CARD10: variants seen among roughly 807,000 people sequenced by gnomAD.
CARD10 encodes the protein caspase recruitment domain-containing protein 10.
A neutral mutation model predicts 114.6 loss-of-function variants in CARD10; 49 were observed. The ratio of observed to expected loss-of-function variants is 0.43; its 90% CI spans 0.34 to 0.54. The LOEUF (loss-of-function observed/expected upper bound fraction) is 0.54, where lower values mean the gene tolerates loss of function less well. Among genes scored for constraint, CARD10 ranks in the 20% least tolerant of loss-of-function variants. The probability of loss-of-function intolerance (pLI) is 0.03; values close to 1 mark genes in which losing one functional copy is unlikely to be tolerated. For missense variants in CARD10, 1,206 were observed against 1,397.2 expected, an observed-to-expected ratio of 0.86 and a Z score of 2.18; for synonymous variants, 602 against 593.2, an observed-to-expected ratio of 1.01 and a Z score of -0.21.
At chr22:37,499,878 T>C (rs902556619) in intron 11 of CARD10, among the ~76,000 whole-genome samples, 3 of 151,992 alleles carry the variant, frequency 2.0e-5, no homozygotes, top group Non-Finnish European at 4.4e-5. Context: ...TCCCCGCTCC[T>C]GGGACTGGCT....
intron 3 of CARD10, among the ~76,000 whole-genome samples, chr22:37,512,816 T>C (rs1923707792): frequency 6.6e-6 from 1 of 152,210 alleles, no homozygotes; most frequent in Non-Finnish European, 1.5e-5. Context: ...TACGGATGCA[T>C]TTAATCCCGG....
chr22:37,509,967 C>A (rs1923571565), intron 4 of CARD10, among the ~76,000 whole-genome samples: 1 of 29,640 alleles, frequency 3.4e-5, no homozygotes, highest in African/African-American at 2.6e-4. Context: ...AGCCCCAGCC[C>A]TGGTACCTAC....
Position 37,492,529 on chromosome 22 carries a change from A to C in CARD10, c.2657T>G (p.Leu886Arg). The change falls in exon 18 of 20, where the codon CTG becomes CGG. Residue 886 changes from leucine to arginine, a missense_variant. Coordinates refer to ENST00000251973, the MANE Select transcript of CARD10 (RefSeq NM_014550.4). This position sits in a 1 kb window ranked among gnomAD's most constrained non-coding sequence, Gnocchi z 5.7. ...CPAESLSGEE[L>R]CPSSAPGAPK... ...GGCTCCAGGCGCTGAGGATGGGCAC[A>C]GTTCCTCCCCAGAGAGGCTTTCTGC... 6.2e-7 allele frequency: 1 copy of C among 1,603,420 alleles called. No individual in the cohort carries two copies. The highest frequency in any genetic ancestry group is 8.5e-7 in the Non-Finnish European group (1 of 1,173,756).
At chr22:37,518,781 C>G (rs1028704801) in intron 1 of CARD10, among the ~76,000 whole-genome samples, 185 bp downstream of exon 1, 2 of 152,238 alleles carry the variant, frequency 1.3e-5, no homozygotes, top group African/African-American at 4.8e-5. Context: ...CAACGCGGAC[C>G]GCCAAGGCGC....
In CARD10 at chr22:37,495,898, T is replaced by C. The variant is rs751621810; in HGVS notation, c.2165A>G (p.His722Arg). 7 of 1,614,120 alleles carry C rather than the reference T, an allele frequency of 4.3e-6. No individual in the cohort carries two copies. The highest frequency in any genetic ancestry group is 5.9e-6 in the Non-Finnish European group (7 of 1,180,040). The change falls in exon 14 of 20, where the codon CAT becomes CGT. Residue 722 changes from histidine to arginine, a missense_variant. Around this residue, in one of 2 missense-constraint regions of CARD10, gnomAD observed 1,068 missense variants for 1,179.1 expected, o/e 0.91. Transcript: ENST00000251973. ...CTCTTGGGCTTTCACGCAAAGGGCA[T>C]GGGGATCTGCCCTCTCAGGCAAGGT... The part of the protein sequence containing the change: ...NLTLPERADP[H>R]ALCVKAQEIL...
At chr22:37,512,907 G>A (rs1268681582) in intron 3 of CARD10, among the ~76,000 whole-genome samples, 1 of 152,140 alleles carries the variant, frequency 6.6e-6, no homozygotes, top group African/African-American at 2.4e-5. Context: ...CATTAAATTT[G>A]CACCTTATAA....
At position 37,491,739 on chromosome 22, in the gene CARD10, C is replaced by G; in HGVS notation, c.2864+16G>C. 8.2e-7 allele frequency: 1 copy of G among 1,213,574 alleles called. No homozygotes were observed. The highest frequency in any genetic ancestry group is 2.5e-5 in the East Asian group (1 of 40,806). The allele number at this position is 1,213,574 out of a possible 1,614,324, so 75.2% of individuals were successfully genotyped here. On this transcript the variant is annotated intron_variant, in intron 19 of 19. Coordinates refer to ENST00000251973, the MANE Select transcript of CARD10 (RefSeq NM_014550.4). Reference sequence around the variant, plus strand: ...GGTCCGAGTGCCCTGCCCACTGCCCCACCCACCCACCTCACCTGACTTCCC... The same window carrying G: ...GGTCCGAGTGCCCTGCCCACTGCCCGACCCACCCACCTCACCTGACTTCCC...
intron 4 of CARD10, among the ~76,000 whole-genome samples, chr22:37,509,642 GC>G (rs1923548370): frequency 8.6e-6 from 1 of 116,236 alleles, no homozygotes; most frequent in Non-Finnish European, 1.9e-5. Context: ...TGACCTCCCC[GC>G]AGCCTGTGCC....
intron 10 of CARD10, 27 bp from the exon 11 acceptor site, chr22:37,502,752 A>ATT (rs1249153802): frequency 6.2e-6 from 10 of 1,607,344 alleles, no homozygotes; most frequent in Middle Eastern, 3.8e-4. Flanking sequence ...AGGTTCAGGG[A>ATT]TCTGGCACTG....
Position 37,506,287 on chromosome 22 carries a change from G to A in CARD10, c.1288C>T (p.Arg430Trp), listed in dbSNP as rs1047631921. 2.1e-5 allele frequency: 34 copies of A among 1,609,590 alleles called. No homozygotes were observed. The highest frequency in any genetic ancestry group is 2.7e-5 in the Non-Finnish European group (32 of 1,178,132). Residue 430 changes from arginine to tryptophan, a missense_variant, in exon 7 of 20, where the codon CGG becomes TGG. By Grantham distance (101) the Arg-to-Trp change is moderately radical (BLOSUM62 -3). This residue lies in a region of CARD10 where 1,068 missense variants were observed against 1,179.1 expected (regional missense o/e 0.91). Coordinates refer to ENST00000251973, the MANE Select transcript of CARD10 (RefSeq NM_014550.4). Reference sequence around the variant, plus strand: ...GTGAGCGTTGTCAGCAGCTCATCCCGCTCCGCCTCCAGGCCCCGCACCTGC... The same window carrying A: ...GTGAGCGTTGTCAGCAGCTCATCCCACTCCGCCTCCAGGCCCCGCACCTGC... ...RKQVRGLEAE[R>W]DELLTTLTSL...
intron 11 of CARD10, among the ~76,000 whole-genome samples, chr22:37,498,779 C>T (rs1441771753): frequency 1.3e-5 from 2 of 152,018 alleles, no homozygotes; most frequent in East Asian, 1.9e-4. Flanking sequence ...GCACACGGTC[C>T]GCTCCAAACC....
chr22:37,506,290 C>T lies in CARD10; in HGVS notation c.1285G>A (p.Glu429Lys), dbSNP rs1458688182. 6.2e-7 allele frequency: 1 copy of T among 1,610,640 alleles called. No individual in the cohort carries two copies. Among genetic ancestry groups the T allele is most frequent in the South Asian group, 1.1e-5 (1 of 89,910 alleles). The change falls in exon 7 of 20, where the codon GAG becomes AAG. Residue 429 changes from glutamate to lysine, a missense_variant. Physicochemically the swap from Glu to Lys is moderately conservative, Grantham distance 56. Transcript: ENST00000251973. ...AGCGTTGTCAGCAGCTCATCCCGCT[C>T]CGCCTCCAGGCCCCGCACCTGCTTG... is the stretch of plus-strand genomic sequence containing the variant. ...YRKQVRGLEAERDELLTTLTS... is the reference protein window; with the variant it reads ...YRKQVRGLEAKRDELLTTLTS...
At chr22:37,497,416 C>G (rs115484390) in intron 11 of CARD10, among the ~76,000 whole-genome samples, 8 of 152,196 alleles carry the variant, frequency 5.3e-5, no homozygotes, top group Admixed American at 4.6e-4. Context: ...TGCAGTGGAG[C>G]CTGCGTGCCA....
chr22:37,508,777 C>A, intron 4 of CARD10, 95 bp from the exon 5 acceptor site: 1 of 1,359,504 alleles, frequency 7.4e-7, no homozygotes, highest in South Asian at 1.4e-5. Flanking sequence ...GCCCTCCAAA[C>A]CCACCTGACC....
In CARD10 at chr22:37,508,863, C is replaced by T. The variant is rs918547971; in HGVS notation, c.910-181G>A. 17 of 1,219,416 alleles carry T rather than the reference C, an allele frequency of 1.4e-5. No individual in the cohort carries two copies. In the Admixed American group the frequency reaches 3.0e-4, roughly 21 times the overall value. The allele number at this position is 1,219,416 out of a possible 1,614,324, so 75.5% of individuals were successfully genotyped here. ...CCCATCGGCAGAGTGGGTGTGGCCC[C>T]ACAAGCCCTACCCACCCTCCAGGGA... On this transcript the variant is annotated intron_variant, in intron 4 of 19. Transcript: ENST00000251973.
At chr22:37,491,535 G>A in intron 19 of CARD10, 142 bp from the exon 20 acceptor site, 1 of 44,760 alleles carries the variant, frequency 2.2e-5, no homozygotes, top group South Asian at 1.4e-3. Context: ...TGGAGATGGA[G>A]AGAGAGAGAC....
At chr22:37,515,135 G>A (rs1295225784) in intron 3 of CARD10, among the ~76,000 whole-genome samples, 2 of 152,242 alleles carry the variant, frequency 1.3e-5, no homozygotes, top group Admixed American at 6.5e-5. Flanking sequence ...AGGGCTTGGC[G>A]TATGGTGCTT....
intron 5 of CARD10, 115 bp downstream of exon 5, chr22:37,508,412 G>A (rs1923488937): frequency 2.6e-6 from 3 of 1,144,842 alleles, no homozygotes; most frequent in Non-Finnish European, 3.6e-6. Flanking sequence ...GAGAACAAAT[G>A]AATGCAGTTC....
chr22:37,496,728 G>C lies in CARD10; in HGVS notation c.1948-168C>G. 1.5e-6 allele frequency: 1 copy of C among 647,646 alleles called. No homozygotes were observed. Among genetic ancestry groups the C allele is most frequent in the South Asian group, 1.8e-5 (1 of 54,558 alleles). The allele number at this position is 647,646 out of a possible 1,614,324, so 40.1% of individuals were successfully genotyped here. On this transcript the variant is annotated intron_variant, in intron 12 of 19. Transcript: ENST00000251973. The surrounding 1 kb of genome is among the most constrained non-coding windows in gnomAD (Gnocchi z 4.1). ...CAGTCAGACCCGTCCCCATCCACAG[G>C]ACGCCCCCATCCACAGGACTCCCCA...
Sources: allele counts gnomAD v4.1 joint callset (sites outside exome capture counted in the v4.1 genomes callset), GRCh38; gene constraint gnomAD v4.1.1; regional missense constraint gnomAD v4.1.1; non-coding constraint Gnocchi (gnomAD v3.1); transcripts MANE v1.5; gene names NCBI Gene and HGNC (gene_info 2026-07-23, HGNC 2026-07-21).